CCDC178: variants seen among roughly 807,000 people sequenced by gnomAD.
CCDC178 encodes coiled-coil domain-containing protein 178.
CCDC178 carries 126 observed loss-of-function variants against 117.4 expected under a neutral mutation model. The observed-to-expected ratio is 1.07, with a 90% CI of 0.93 to 1.24. CCDC178 has a LOEUF of 1.24. CCDC178 is among the 50% of genes most tolerant of loss of function. CCDC178 has a pLI of 0.00. For synonymous variants in CCDC178, 283 were observed against 313.4 expected, an observed-to-expected ratio of 0.90 and a Z score of 1.02; for missense variants, 1,030 against 986.9, an observed-to-expected ratio of 1.04 and a Z score of -0.59.
intron 20 of CCDC178, among the ~76,000 whole-genome samples, chr18:33,180,925 G>A (rs1200674980): frequency 6.6e-6 from 1 of 152,022 alleles, no homozygotes; most frequent in African/African-American, 2.4e-5. Flanking sequence ...TTAATGCGAG[G>A]TAGGAACTCC....
chr18:33,380,827 A>G (rs935719144), intron 5 of CCDC178, among the ~76,000 whole-genome samples: 1 of 152,212 alleles, frequency 6.6e-6, no homozygotes, highest in African/African-American at 2.4e-5. Context: ...CTCATCTGCC[A>G]TCTTGAAGAA....
At chr18:33,272,049 T>G (rs2059897441) in intron 12 of CCDC178, among the ~76,000 whole-genome samples, 1 of 151,356 alleles carries the variant, frequency 6.6e-6, no homozygotes, top group South Asian at 2.1e-4. Flanking sequence ...TGAAAATTAA[T>G]TTTTAAAAAA....
At chr18:33,107,241 A>T (rs2057719402) in intron 20 of CCDC178, among the ~76,000 whole-genome samples, 1 of 151,760 alleles carries the variant, frequency 6.6e-6, no homozygotes, top group African/African-American at 2.4e-5. Flanking sequence ...ATATAAAATT[A>T]ATAAGATATT....
chr18:32,969,237 GAC>G (rs1351536393), intron 22 of CCDC178, among the ~76,000 whole-genome samples: 1 of 151,960 alleles, frequency 6.6e-6, no homozygotes, highest in Non-Finnish European at 1.5e-5. Flanking sequence ...AGAAGGCACA[GAC>G]ACACACACAG....
At chr18:33,316,248 C>A (rs2062414174) in intron 11 of CCDC178, among the ~76,000 whole-genome samples, 1 of 152,180 alleles carries the variant, frequency 6.6e-6, no homozygotes, top group Non-Finnish European at 1.5e-5. Context: ...CGGCGGGAAC[C>A]GGGGCTGCGC....
chr18:33,325,774 C>T (rs553810514), intron 10 of CCDC178, among the ~76,000 whole-genome samples: 1 of 152,144 alleles, frequency 6.6e-6, no homozygotes, highest in Admixed American at 6.6e-5. Flanking sequence ...TTTTATGGGG[C>T]GGTGATCTTA....
intron 22 of CCDC178, among the ~76,000 whole-genome samples, chr18:32,969,718 C>A (rs943809235): frequency 2.0e-5 from 3 of 151,960 alleles, no homozygotes; most frequent in Non-Finnish European, 4.4e-5. Flanking sequence ...CAGATATACT[C>A]AATGTAAGAA....
chr18:33,356,366 C>T lies in CCDC178; in HGVS notation c.349-20G>A. ...TTCAAACTGTCAAAACAAAAGATCT[C>T]AATAAAAATCAAATCTTAAACATAT... On this transcript the variant is annotated intron_variant, in intron 6 of 22. Coordinates refer to ENST00000383096, the MANE Select transcript of CCDC178 (RefSeq NM_001105528.4). 6.8e-7 allele frequency: 1 copy of T among 1,466,228 alleles called. No individual in the cohort carries two copies. The allele number at this position is 1,466,228 out of a possible 1,614,324, so 90.8% of individuals were successfully genotyped here. A position where few individuals can be genotyped will look rare whatever the true frequency, so the allele number is the denominator to read the frequency against.
intron 20 of CCDC178, among the ~76,000 whole-genome samples, chr18:33,198,144 G>T (rs1375912156): frequency 8.5e-5 from 13 of 152,142 alleles, no homozygotes; most frequent in African/African-American, 3.1e-4. Context: ...TGTGATATTT[G>T]TCAGAGCATC....
chr18:32,972,804 AT>A (rs555159542), intron 22 of CCDC178, among the ~76,000 whole-genome samples: 1 of 151,992 alleles, frequency 6.6e-6, no homozygotes, highest in African/African-American at 2.4e-5. Flanking sequence ...TGTAGACTTG[AT>A]TTTTTTCCCC....
rs117625374 is a variant in CCDC178 at position 32,948,154 on chromosome 18, C to T, written c.2524-10063G>A. Among the ~76,000 whole-genome samples the T allele has an allele frequency of 7.4e-3, 1,126 of 152,134 alleles. 9 individuals carry two copies. Among genetic ancestry groups the T allele is most frequent in the Non-Finnish European group, 9.3e-3 (630 of 67,938 alleles). Reference sequence around the variant, plus strand: ...TGTAAGTCATTTAACTTTGTACTTCCTTTATGATGTTGTTTTGGCTATTCT... The same window carrying T: ...TGTAAGTCATTTAACTTTGTACTTCTTTTATGATGTTGTTTTGGCTATTCT... On this transcript the variant is annotated intron_variant, in intron 22 of 22. Coordinates refer to ENST00000383096, the MANE Select transcript of CCDC178 (RefSeq NM_001105528.4).
chr18:32,966,050 C>T (rs887107746), intron 22 of CCDC178, among the ~76,000 whole-genome samples: 2 of 150,772 alleles, frequency 1.3e-5, no homozygotes, highest in African/African-American at 4.9e-5. Flanking sequence ...TGTACCTTAA[C>T]ACTATACAAC....
chr18:33,243,837 T>A (rs773366184), intron 15 of CCDC178, among the ~76,000 whole-genome samples: 3 of 151,664 alleles, frequency 2.0e-5, no homozygotes, highest in African/African-American at 4.8e-5. Flanking sequence ...AGTGGCCAAG[T>A]AAGTGGATGA....
intron 11 of CCDC178, among the ~76,000 whole-genome samples, chr18:33,294,411 C>T (rs1486788625): frequency 6.6e-6 from 1 of 151,992 alleles, no homozygotes; most frequent in Non-Finnish European, 1.5e-5. Flanking sequence ...GTAATAAACT[C>T]CTACAAGTCA....
chr18:33,058,260 T>C (rs1041292717), intron 21 of CCDC178, among the ~76,000 whole-genome samples: 3 of 152,190 alleles, frequency 2.0e-5, no homozygotes, highest in Non-Finnish European at 4.4e-5. Context: ...GTCCATCACC[T>C]AAGGAGTGAT....
intron 20 of CCDC178, among the ~76,000 whole-genome samples, chr18:33,207,997 C>T (rs555031848): frequency 1.1e-3 from 165 of 152,160 alleles, no homozygotes; most frequent in Non-Finnish European, 1.9e-3. Context: ...TGCGCAAAAA[C>T]ATGAGGTAAT....
At chr18:33,437,520 C>T (rs1412208816) in intron 2 of CCDC178, 1 of 152,162 alleles carries the variant, frequency 6.6e-6, no homozygotes, top group African/African-American at 2.4e-5. Context: ...CCCTTCGGTT[C>T]ATATGAAAGG....
At chr18:33,137,102 CAA>C (rs1012419568) in intron 20 of CCDC178, among the ~76,000 whole-genome samples, 3 of 152,070 alleles carry the variant, frequency 2.0e-5, no homozygotes, top group African/African-American at 7.2e-5. Context: ...AGAAGAAAGA[CAA>C]AGAGATCAAT....
intron 12 of CCDC178, among the ~76,000 whole-genome samples, chr18:33,280,883 C>T (rs1354838158): frequency 1.3e-5 from 2 of 152,008 alleles, no homozygotes; most frequent in Admixed American, 6.6e-5. Context: ...TGTTCTCACT[C>T]ATAGATGGGA....
Sources: gnomAD v4.1 joint callset for allele counts (sites outside exome capture counted in the v4.1 genomes callset) on GRCh38, gnomAD v4.1.1 for gene constraint, MANE v1.5 for transcripts, NCBI Gene and HGNC (gene_info 2026-07-23, HGNC 2026-07-21) for gene names.